The following PIK3R3 variants were observed in gnomAD, a reference collection of about 807,000 sequenced individuals.
The protein encoded by PIK3R3 is phosphatidylinositol 3-kinase regulatory subunit gamma.
PIK3R3 carries 64 observed loss-of-function variants against 62.9 expected under a neutral mutation model. The ratio of observed to expected loss-of-function variants is 1.02; its 90% CI spans 0.83 to 1.25. The LOEUF (loss-of-function observed/expected upper bound fraction) is 1.25. PIK3R3 is among the 50% of genes most tolerant of loss of function. PIK3R3 has a pLI of 0.00. For synonymous variants in PIK3R3, 165 were observed against 189.0 expected, an observed-to-expected ratio of 0.87 and a Z score of 1.04; for missense variants, 614 against 561.6, an observed-to-expected ratio of 1.09 and a Z score of -0.94.
chr1:46,132,859 C>G (rs1655751687), upstream of PIK3R3: 4 of 1,199,458 alleles, frequency 3.3e-6, no homozygotes, highest in Non-Finnish European at 1.1e-6. Flanking sequence ...CCCCACCGCT[C>G]TCTAGGCTTC....
intron 1 of PIK3R3, among the ~76,000 whole-genome samples, chr1:46,081,600 A>C (rs1423167802): frequency 6.6e-6 from 1 of 152,092 alleles, no homozygotes; most frequent in African/African-American, 2.4e-5. Context: ...CCCCAGCCTA[A>C]CCCCACCCCA....
At chr1:46,111,095 C>G (rs532799772) in intron 1 of PIK3R3, among the ~76,000 whole-genome samples, 1 of 151,942 alleles carries the variant, frequency 6.6e-6, no homozygotes, top group Non-Finnish European at 1.5e-5. Flanking sequence ...TACTATATCA[C>G]GAAAACACTG....
intron 6 of PIK3R3, chr1:46,057,230 C>T (rs1648010143): frequency 6.6e-6 from 1 of 152,654 alleles, no homozygotes; most frequent in Admixed American, 6.5e-5. Flanking sequence ...ACGGGACTTG[C>T]TCCTCTCCTT....
At chr1:46,082,496 T>C (rs923325848) in intron 1 of PIK3R3, among the ~76,000 whole-genome samples, 1 of 152,210 alleles carries the variant, frequency 6.6e-6, no homozygotes, top group Non-Finnish European at 1.5e-5. Context: ...GATCTGAGTA[T>C]GACATAGTAG....
At chr1:46,075,170 T>G (rs541774330) in intron 3 of PIK3R3, among the ~76,000 whole-genome samples, 1 of 152,346 alleles carries the variant, frequency 6.6e-6, no homozygotes, top group South Asian at 2.1e-4. Flanking sequence ...ATGCAGATAT[T>G]TAGCATATCG....
intron 3 of PIK3R3, among the ~76,000 whole-genome samples, chr1:46,074,060 C>CG (rs1455950827): frequency 6.9e-6 from 1 of 144,850 alleles, no homozygotes; most frequent in Non-Finnish European, 1.5e-5. Flanking sequence ...GAGGCCGAGG[C>CG]GGGCGGATCA....
chr1:46,086,086 C>G (rs1651025567), intron 1 of PIK3R3, among the ~76,000 whole-genome samples: 1 of 152,046 alleles, frequency 6.6e-6, no homozygotes, highest in Non-Finnish European at 1.5e-5. Context: ...AAGATATTTT[C>G]AATTCCGTTT....
At chr1:46,062,378 C>T (rs1166662610) in intron 5 of PIK3R3, among the ~76,000 whole-genome samples, 1 of 151,886 alleles carries the variant, frequency 6.6e-6, no homozygotes, top group African/African-American at 2.4e-5. Flanking sequence ...GAGTTCAAGA[C>T]AGCCTGGCCA....
At chr1:46,128,390 T>C (rs985131595) in intron 1 of PIK3R3, among the ~76,000 whole-genome samples, 2 of 152,134 alleles carry the variant, frequency 1.3e-5, no homozygotes, top group East Asian at 1.9e-4. Flanking sequence ...TGAGCCGAGA[T>C]AGAGCCACTG....
chr1:46,094,572 T>A (rs809774), intron 1 of PIK3R3, among the ~76,000 whole-genome samples: 102,031 of 152,102 alleles, frequency 0.67, 34,450 homozygotes, highest in Non-Finnish European at 0.71. Context: ...TAAACAAAAT[T>A]TCCCCCCAGC....
intron 3 of PIK3R3, among the ~76,000 whole-genome samples, chr1:46,076,447 T>C (rs185092858): frequency 1.3e-5 from 2 of 152,318 alleles, no homozygotes; most frequent in Admixed American, 6.5e-5. Flanking sequence ...GAAAAGTGTT[T>C]AGCAGTCTCC....
chr1:46,043,971 T>C lies in PIK3R3; in HGVS notation c.1188-100A>G, dbSNP rs1040164385. The stretch of plus-strand genomic sequence containing the variant: ...TGAGAGCAATTGTTATGCAAACAAG[T>C]GTTTTTTGTTAACCAGGCAAAGCTT... On this transcript the variant is annotated intron_variant, in intron 9 of 9. Transcript: ENST00000262741. The C allele has an allele frequency of 4.8e-6, 5 of 1,038,024 alleles. No homozygotes were observed. In the African/African-American group the frequency reaches 6.4e-5, roughly 13 times the overall value. The allele number at this position is 1,038,024 out of a possible 1,614,324, so 64.3% of individuals were successfully genotyped here.
chr1:46,101,270 C>A (rs781410872), intron 1 of PIK3R3, among the ~76,000 whole-genome samples: 2 of 151,674 alleles, frequency 1.3e-5, no homozygotes, highest in South Asian at 2.1e-4. Context: ...CTGAGGTGGG[C>A]GGATCACAAG....
In PIK3R3 at chr1:46,100,944, T is replaced by C. The variant is rs567971985; in HGVS notation, c.107-20194A>G. Among the ~76,000 whole-genome samples the C allele has an allele frequency of 1.1e-4, 17 of 152,180 alleles. No individual in the cohort carries two copies. The South Asian group carries it at 1.9e-3, about 17-fold the overall frequency. On this transcript the variant is annotated intron_variant, in intron 1 of 9. Transcript: ENST00000262741. The stretch of plus-strand genomic sequence containing the variant: ...GGCTCATGCATGTAATCCTAGCACT[T>C]TGGGAGGCTGAGGTAGGCTAGGAGT...
the PIK3R3 span, among the ~76,000 whole-genome samples, chr1:46,169,577 C>G: frequency 2.7e-3 from 405 of 152,204 alleles, 3 homozygotes; most frequent in African/African-American, 9.0e-3. Flanking sequence ...AGATTTGAGG[C>G]CCAGAGATGG....
chr1:46,149,526 G>GGTTTT, the PIK3R3 span, among the ~76,000 whole-genome samples: 1 of 151,744 alleles, frequency 6.6e-6, no homozygotes, highest in African/African-American at 2.4e-5. Flanking sequence ...GTGTGTGTGT[G>GGTTTT]GTTTTTGTTT....
At chr1:46,133,080 G>T, upstream of PIK3R3, 3 of 987,326 alleles carry the variant, frequency 3.0e-6, no homozygotes, top group Non-Finnish European at 3.6e-6. Flanking sequence ...TTGCTCCTGC[G>T]AAGGAGCGGG....
At chr1:46,144,938 A>C in the PIK3R3 span, among the ~76,000 whole-genome samples, 2 of 151,962 alleles carry the variant, frequency 1.3e-5, no homozygotes, top group African/African-American at 4.8e-5. Context: ...AACTTGACCA[A>C]CATGGAGAAA....
chr1:46,072,545 G>T (rs1437401668), intron 3 of PIK3R3, among the ~76,000 whole-genome samples: 2 of 152,216 alleles, frequency 1.3e-5, no homozygotes, highest in Non-Finnish European at 2.9e-5. Flanking sequence ...ACAAAATGTA[G>T]TATATACATA....
Sources: gnomAD v4.1 joint callset for allele counts (sites outside exome capture counted in the v4.1 genomes callset) on GRCh38, gnomAD v4.1.1 for gene constraint, MANE v1.5 for transcripts, NCBI Gene and HGNC (gene_info 2026-07-23, HGNC 2026-07-21) for gene names.